Variants in WWOX observed in about 807,000 individuals in gnomAD.
WWOX encodes the protein WW domain-containing oxidoreductase.
WWOX carries 69 observed loss-of-function variants against 46.2 expected under a neutral mutation model. The observed-to-expected ratio is 1.49, with a 90% CI of 1.23 to 1.82. The LOEUF (loss-of-function observed/expected upper bound fraction) is 1.82, where lower values mean the gene tolerates loss of function less well. Ranked by LOEUF, WWOX falls within the 40% of genes most tolerant of loss-of-function variation. WWOX has a pLI of 0.00. For synonymous variants in WWOX, 359 were observed against 202.6 expected, an observed-to-expected ratio of 1.77 and a Z score of -6.56; for missense variants, 919 against 542.6, an observed-to-expected ratio of 1.69 and a Z score of -6.89.
intron 8 of WWOX, among the ~76,000 whole-genome samples, chr16:79,024,477 A>G (rs1233500570): frequency 6.6e-6 from 1 of 152,148 alleles, no homozygotes; most frequent in Non-Finnish European, 1.5e-5. Flanking sequence ...TCTGTTGCCC[A>G]GGCTGGAGTG....
chr16:79,102,488 G>A (rs541747716), intron 8 of WWOX, among the ~76,000 whole-genome samples: 7 of 152,160 alleles, frequency 4.6e-5, no homozygotes, highest in Non-Finnish European at 7.3e-5. Context: ...GCTGTCTGTC[G>A]CATTTACCAA....
Position 78,968,028 on chromosome 16 carries a change from C to T in WWOX, c.1057-243580C>T, listed in dbSNP as rs573800480. On this transcript the variant is annotated intron_variant, in intron 8 of 8. Transcript: ENST00000566780. ...AAGTGTATGTGTTTAATCTACCATT[C>T]CTTGTGGCACAGTGCATGGTCTGCA... 3.3e-5 allele frequency among the ~76,000 whole-genome samples: 5 copies of T among 152,366 alleles called. No individual in the cohort carries two copies. The East Asian group carries it at 5.8e-4, about 18-fold the overall frequency.
At chr16:78,291,904 T>C (rs1209362473) in intron 5 of WWOX, among the ~76,000 whole-genome samples, 1 of 152,020 alleles carries the variant, frequency 6.6e-6, no homozygotes, top group Non-Finnish European at 1.5e-5. Flanking sequence ...CCTTCGGGAT[T>C]GATAGAGAAG....
At chr16:78,372,437 A>G (rs1419647415) in intron 5 of WWOX, among the ~76,000 whole-genome samples, 2 of 152,212 alleles carry the variant, frequency 1.3e-5, no homozygotes, top group Non-Finnish European at 2.9e-5. Context: ...TTTTCAAAAG[A>G]AAAGAATGAG....
At chr16:78,330,988 A>G (rs2080743013) in intron 5 of WWOX, among the ~76,000 whole-genome samples, 1 of 152,230 alleles carries the variant, frequency 6.6e-6, no homozygotes, top group African/African-American at 2.4e-5. Flanking sequence ...ATTTATTCAG[A>G]CAGGTGGAAG....
intron 8 of WWOX, among the ~76,000 whole-genome samples, chr16:79,186,410 T>C (rs995251531): frequency 6.6e-6 from 1 of 152,188 alleles, no homozygotes; most frequent in African/African-American, 2.4e-5. Context: ...GTTTCCTGGC[T>C]TGCAGCTGCA....
chr16:79,082,307 C>T (rs2048775282), intron 8 of WWOX, among the ~76,000 whole-genome samples: 1 of 152,218 alleles, frequency 6.6e-6, no homozygotes, highest in South Asian at 2.1e-4. Context: ...GTTTCTGCTT[C>T]TTCCCAGGGT....
chr16:78,835,162 GC>G (rs1349991420), intron 8 of WWOX, among the ~76,000 whole-genome samples: 1 of 152,092 alleles, frequency 6.6e-6, no homozygotes, highest in Non-Finnish European at 1.5e-5. Context: ...CGACAGCCTT[GC>G]TTTTGTCATT....
intron 8 of WWOX, chr16:79,106,012 A>G (rs2049301204): frequency 6.6e-6 from 1 of 152,140 alleles, no homozygotes. Context: ...ATTTTACATC[A>G]TTTTCAGTGA....
intron 8 of WWOX, among the ~76,000 whole-genome samples, chr16:78,823,191 G>A (rs1474445548): frequency 1.3e-5 from 2 of 152,348 alleles, no homozygotes; most frequent in East Asian, 1.9e-4. Context: ...ATCTAATGGT[G>A]GAAACGGTCA....
intron 8 of WWOX, among the ~76,000 whole-genome samples, chr16:78,533,816 C>T (rs539884123): frequency 1.3e-5 from 2 of 152,280 alleles, no homozygotes; most frequent in African/African-American, 2.4e-5. Context: ...CGCTGGTTCT[C>T]GTCCTCGCCC....
intron 8 of WWOX, among the ~76,000 whole-genome samples, chr16:78,951,618 C>T (rs765427755): frequency 4.6e-5 from 7 of 152,170 alleles, no homozygotes; most frequent in Non-Finnish European, 7.3e-5. Context: ...AATACCCATC[C>T]CAGGAGACAG....
At chr16:79,147,920 G>C (rs2050209893) in intron 8 of WWOX, among the ~76,000 whole-genome samples, 1 of 151,692 alleles carries the variant, frequency 6.6e-6, no homozygotes, top group African/African-American at 2.4e-5. Flanking sequence ...TTTTCTATTT[G>C]AATTGTTGTA....
intron 8 of WWOX, among the ~76,000 whole-genome samples, chr16:78,816,603 G>C (rs9927801): frequency 0.095 from 13,296 of 140,622 alleles, 591 homozygotes; most frequent in South Asian, 0.16. Context: ...CATCTTTTGG[G>C]TACTGAGTTG....
chr16:79,017,012 C>T (rs971859672), intron 8 of WWOX: 1 of 152,110 alleles, frequency 6.6e-6, no homozygotes, highest in African/African-American at 2.4e-5. Context: ...GATGGTATCA[C>T]CTTCAAAGCT....
intron 8 of WWOX, among the ~76,000 whole-genome samples, chr16:78,824,362 G>C (rs1429671437): frequency 6.6e-6 from 1 of 152,124 alleles, no homozygotes; most frequent in African/African-American, 2.4e-5. Flanking sequence ...TCCTCCCAAA[G>C]GTTAGCTCAT....
chr16:78,101,378 G>T (rs535607222), intron 1 of WWOX, among the ~76,000 whole-genome samples: 1 of 46,906 alleles, frequency 2.1e-5, no homozygotes, highest in Non-Finnish European at 5.1e-5. Context: ...ACAGGGTCTC[G>T]CTCCGTCGCC....
At chr16:78,966,839 C>G (rs1393518832) in intron 8 of WWOX, among the ~76,000 whole-genome samples, 2 of 152,082 alleles carry the variant, frequency 1.3e-5, no homozygotes, top group African/African-American at 2.4e-5. Flanking sequence ...GCCTCGGGTA[C>G]TAAATTTGTG....
intron 5 of WWOX, among the ~76,000 whole-genome samples, chr16:78,386,303 G>A (rs1458330927): frequency 6.6e-6 from 1 of 152,152 alleles, no homozygotes. Context: ...TGTTGATAGA[G>A]TTTTCTGGGT....
Sources: allele counts gnomAD v4.1 joint callset (sites outside exome capture counted in the v4.1 genomes callset), GRCh38; gene constraint gnomAD v4.1.1; transcripts MANE v1.5; gene names NCBI Gene and HGNC (gene_info 2026-07-23, HGNC 2026-07-21).